PACRG: variants seen among roughly 807,000 people sequenced by gnomAD.
The protein encoded by PACRG is parkin coregulated gene protein.
Under a neutral mutation model 29.7 loss-of-function variants are expected in PACRG, and 29 were observed. The observed-to-expected ratio is 0.98, with a 90% CI of 0.73 to 1.33. PACRG has a LOEUF of 1.33. Ranked by LOEUF, PACRG falls within the 40% of genes most tolerant of loss-of-function variation. The pLI is 0.00. For synonymous variants in PACRG, 116 were observed against 118.7 expected (o/e 0.98, Z 0.15); for missense variants, 279 against 316.2 (o/e 0.88, Z 0.89).
intron 2 of PACRG, among the ~76,000 whole-genome samples, chr6:163,004,515 A>C (rs976294963): frequency 1.3e-5 from 2 of 151,486 alleles, no homozygotes. Flanking sequence ...TAAAACCATC[A>C]GTTCTCATGA....
intron 4 of PACRG, chr6:163,101,042 G>C (rs1815056747): frequency 8.1e-6 from 8 of 981,964 alleles, no homozygotes; most frequent in Non-Finnish European, 8.5e-6. Context: ...ATGAGCTTTA[G>C]TGAGCATATT....
intron 1 of PACRG, among the ~76,000 whole-genome samples, chr6:162,796,168 G>A (rs1391761565): frequency 1.3e-5 from 2 of 152,094 alleles, no homozygotes; most frequent in Non-Finnish European, 2.9e-5. Context: ...GCCTTTAGTA[G>A]AAGTGTGTTG....
At chr6:163,015,117 T>A (rs1232457384) in intron 2 of PACRG, among the ~76,000 whole-genome samples, 2 of 152,226 alleles carry the variant, frequency 1.3e-5, no homozygotes, top group African/African-American at 4.8e-5. Flanking sequence ...CGTCTATTTG[T>A]TGCTTATTTT....
At chr6:163,107,980 T>C (rs1383219225) in intron 4 of PACRG, among the ~76,000 whole-genome samples, 1 of 152,240 alleles carries the variant, frequency 6.6e-6, no homozygotes, top group East Asian at 1.9e-4. Flanking sequence ...CCTCCGAATG[T>C]GTAAAAATTA....
chr6:162,982,129 C>T (rs965385485), intron 2 of PACRG, among the ~76,000 whole-genome samples: 2 of 151,820 alleles, frequency 1.3e-5, no homozygotes, highest in Non-Finnish European at 1.5e-5. Context: ...TCTCTGGTAT[C>T]GGTTACAATA....
chr6:163,136,664 C>A lies in PACRG; in HGVS notation c.613+47256C>A, dbSNP rs1324376575. Among the ~76,000 whole-genome samples, 3 of 152,154 alleles carry A rather than the reference C, an allele frequency of 2.0e-5. 1 individual carries two copies. The highest frequency in any genetic ancestry group is 4.1e-4 in the South Asian group (2 of 4,830). ...CCTTAGATTTCCTCTGTAACATAAT[C>A]TCTTAAATTTATTCATAGTTATAAC... On this transcript the variant is annotated intron_variant, in intron 4 of 4. Coordinates refer to ENST00000366888, the MANE Select transcript of PACRG (RefSeq NM_001080379.2).
At chr6:163,169,878 G>A (rs1029613249) in intron 4 of PACRG, among the ~76,000 whole-genome samples, 1 of 152,178 alleles carries the variant, frequency 6.6e-6, no homozygotes, top group Non-Finnish European at 1.5e-5. Context: ...CCAGGGTCAG[G>A]GTGTCAGCAA....
At chr6:163,178,198 C>T (rs1050607024) in intron 4 of PACRG, among the ~76,000 whole-genome samples, 7 of 152,156 alleles carry the variant, frequency 4.6e-5, no homozygotes, top group African/African-American at 1.4e-4. Flanking sequence ...CATGCAGAGG[C>T]AGGGTCTGGG....
At chr6:163,094,674 G>T (rs1020164723) in intron 4 of PACRG, among the ~76,000 whole-genome samples, 4 of 152,128 alleles carry the variant, frequency 2.6e-5, no homozygotes, top group Admixed American at 2.6e-4. Flanking sequence ...ATATGTGCTT[G>T]TGTGAAATTA....
chr6:162,837,295 A>T (rs1228026154), intron 2 of PACRG, among the ~76,000 whole-genome samples: 1 of 152,170 alleles, frequency 6.6e-6, no homozygotes, highest in Non-Finnish European at 1.5e-5. Flanking sequence ...TATATGTAAC[A>T]CGCGGTGCTG....
chr6:163,078,222 C>T (rs569001200), intron 3 of PACRG, among the ~76,000 whole-genome samples: 8 of 152,084 alleles, frequency 5.3e-5, no homozygotes, highest in South Asian at 4.2e-4. Context: ...GCAATAGGAC[C>T]GGGCGCAGTG....
chr6:162,958,884 T>TAGAGAGAGAGAG (rs200270873), intron 2 of PACRG, among the ~76,000 whole-genome samples: 1 of 21,154 alleles, frequency 4.7e-5, no homozygotes, highest in Non-Finnish European at 9.5e-5. Flanking sequence ...TATATATATA[T>TAGAGAGAGAGAG]AGAGAGAGAG....
In PACRG at chr6:162,974,391, C is replaced by T. The variant is rs554305343; in HGVS notation, c.292-87759C>T. 2.0e-5 allele frequency among the ~76,000 whole-genome samples: 3 copies of T among 152,206 alleles called. No individual in the cohort carries two copies. The South Asian group carries it at 6.2e-4, about 32-fold the overall frequency. ...TCAATGAGATTCCACTTTAAGAAAG[C>T]CAATATACAAAATATTGTACTTGAA... On this transcript the variant is annotated intron_variant, in intron 2 of 4. Transcript: ENST00000366888.
chr6:162,846,361 C>A (rs556169587), intron 2 of PACRG, among the ~76,000 whole-genome samples: 1 of 152,274 alleles, frequency 6.6e-6, no homozygotes, highest in South Asian at 2.1e-4. Flanking sequence ...TCTCATAGCC[C>A]CCACACTTTG....
At chr6:162,809,407 TTA>T (rs1786641653) in intron 1 of PACRG, among the ~76,000 whole-genome samples, 1 of 152,222 alleles carries the variant, frequency 6.6e-6, no homozygotes. Flanking sequence ...TCACCATGGA[TTA>T]TTTTGTAAAG....
intron 1 of PACRG, among the ~76,000 whole-genome samples, chr6:162,745,389 T>A (rs902126162): frequency 3.3e-5 from 5 of 151,220 alleles, no homozygotes; most frequent in Admixed American, 1.3e-4. Context: ...TTTCGGGGGA[T>A]GTGGGGTGAG....
intron 4 of PACRG, among the ~76,000 whole-genome samples, chr6:163,092,810 A>G (rs1048306075): frequency 1.3e-5 from 2 of 152,232 alleles, no homozygotes; most frequent in East Asian, 3.8e-4. Flanking sequence ...ATCCAATATT[A>G]TATACATACA....
At chr6:162,950,222 G>T (rs1201132536) in intron 2 of PACRG, among the ~76,000 whole-genome samples, 1 of 152,098 alleles carries the variant, frequency 6.6e-6, no homozygotes, top group Non-Finnish European at 1.5e-5. Flanking sequence ...AACAGGCTGG[G>T]CACGGTGGCT....
chr6:163,130,345 T>C (rs1483448996), intron 4 of PACRG, among the ~76,000 whole-genome samples: 1 of 152,202 alleles, frequency 6.6e-6, no homozygotes. Context: ...ATGCCCAACG[T>C]CTGGCTATTT....
Sources: allele counts gnomAD v4.1 joint callset (sites outside exome capture counted in the v4.1 genomes callset), GRCh38; gene constraint gnomAD v4.1.1; transcripts MANE v1.5; gene names NCBI Gene and HGNC (gene_info 2026-07-23, HGNC 2026-07-21).